The following SIPA1L2 variants were observed in gnomAD, a reference collection of about 807,000 sequenced individuals.
SIPA1L2 encodes the protein signal-induced proliferation-associated 1-like protein 2.
Under a neutral mutation model 163.9 loss-of-function variants are expected in SIPA1L2, and 56 were observed. That is an observed-to-expected ratio of 0.34 (90% confidence interval 0.28 to 0.43). The LOEUF (loss-of-function observed/expected upper bound fraction) is 0.43, where lower values mean the gene tolerates loss of function less well. Ranked by LOEUF, SIPA1L2 falls within the 20% of genes least tolerant of loss-of-function variation. The pLI, the probability that SIPA1L2 is intolerant of heterozygous loss-of-function variation, is 1.00. For synonymous variants in SIPA1L2, 877 were observed against 865.7 expected, an observed-to-expected ratio of 1.01 and a Z score of -0.23; for missense variants, 1,974 against 2,193.5, an observed-to-expected ratio of 0.90 and a Z score of 2.00.
rs1667182207 is a variant in SIPA1L2, at chr1:232,515,519, C to T, written c.-180G>A. 1.6e-6 allele frequency: 1 copy of T among 610,108 alleles called. No individual in the cohort carries two copies. The allele number at this position is 610,108 out of a possible 1,614,324, so 37.8% of individuals were successfully genotyped here. ...ATACAGTTTCTTCAAAGCCAACTTG[C>T]TTCTCTGTTGTCGTAATAATGTTGT... On this transcript the variant is annotated 5_prime_UTR_variant, in exon 3 of 23. Coordinates refer to ENST00000674635, the MANE Select transcript of SIPA1L2 (RefSeq NM_020808.5).
At chr1:232,597,916 C>T (rs994163834) in intron 1 of SIPA1L2, among the ~76,000 whole-genome samples, 2 of 152,102 alleles carry the variant, frequency 1.3e-5, no homozygotes, top group African/African-American at 4.8e-5. Flanking sequence ...AAATACACAC[C>T]TCACTTTTAA....
chr1:232,584,622 C>T (rs1351431046), intron 1 of SIPA1L2, among the ~76,000 whole-genome samples: 1 of 152,196 alleles, frequency 6.6e-6, no homozygotes, highest in Non-Finnish European at 1.5e-5. Context: ...TATGCCTTTC[C>T]TCTCATTAAT....
At position 232,402,384 on chromosome 1, in the gene SIPA1L2, T is replaced by C. The variant is rs1393029873; in HGVS notation, c.5022+8A>G. 3 of 1,611,662 alleles carry C rather than the reference T, an allele frequency of 1.9e-6. No homozygotes were observed. The highest frequency in any genetic ancestry group is 1.3e-5 in the African/African-American group (1 of 74,828). ...AACAGTTCTGATTATGCTCTTCCAA[T>C]TGATTACCTTCCGAAGGTCGGTCTG... On this transcript the variant is annotated splice_region_variant and intron_variant, in intron 22 of 22. Coordinates refer to ENST00000674635, the MANE Select transcript of SIPA1L2 (RefSeq NM_020808.5).
chr1:232,599,608 T>C (rs1472875351), intron 1 of SIPA1L2, among the ~76,000 whole-genome samples: 1 of 152,222 alleles, frequency 6.6e-6, no homozygotes, highest in Admixed American at 6.5e-5. Flanking sequence ...CTCGAAGTTC[T>C]GGTGAGTTTT....
chr1:232,526,451 AT>A (rs1293407829), intron 2 of SIPA1L2, among the ~76,000 whole-genome samples: 1 of 152,210 alleles, frequency 6.6e-6, no homozygotes, highest in Non-Finnish European at 1.5e-5. Context: ...ACTTCAGATC[AT>A]GAGACATTAG....
At chr1:232,424,738 T>C (rs1661785862) in intron 18 of SIPA1L2, among the ~76,000 whole-genome samples, 1 of 152,206 alleles carries the variant, frequency 6.6e-6, no homozygotes, top group Non-Finnish European at 1.5e-5. Flanking sequence ...ACATTGGAAA[T>C]ATTATTAGAA....
chr1:232,529,642 T>TC (rs770654295), intron 2 of SIPA1L2, among the ~76,000 whole-genome samples: 32 of 152,318 alleles, frequency 2.1e-4, no homozygotes, highest in Non-Finnish European at 4.0e-4. Flanking sequence ...GTGCACCTTC[T>TC]CATCCATATT....
intron 10 of SIPA1L2, among the ~76,000 whole-genome samples, chr1:232,447,525 C>T (rs951794373): frequency 2.6e-5 from 4 of 152,216 alleles, no homozygotes; most frequent in Non-Finnish European, 4.4e-5. Flanking sequence ...ACAGATGCCC[C>T]GACAGAGAAT....
Position 232,563,955 on chromosome 1 carries a change from T to TTTGTGTGTGTGTGTG in SIPA1L2, c.-270+10218_-270+10219insCACACACACACACAA, listed in dbSNP as rs1558270699. On this transcript the variant is annotated intron_variant, in intron 2 of 22. Coordinates refer to ENST00000674635, the MANE Select transcript of SIPA1L2 (RefSeq NM_020808.5). The stretch of plus-strand genomic sequence containing the variant: ...AACGACAAAGGTTTGTTTTTTTTTT[T>TTTGTGTGTGTGTGTG]CGTGTGTGTGTGTGTGTGTGTGTGT... Among the ~76,000 whole-genome samples the TTTGTGTGTGTGTGTG allele has an allele frequency of 1.1e-4, 13 of 116,770 alleles. 1 individual carries two copies. Among genetic ancestry groups the TTTGTGTGTGTGTGTG allele is most frequent in the African/African-American group, 5.2e-4 (13 of 25,172 alleles). 76.6% of individuals were successfully genotyped at this position (116,770 alleles called of 152,430 possible). A position where few individuals can be genotyped will look rare whatever the true frequency, so the allele number is the denominator to read the frequency against.
intron 20 of SIPA1L2, 76 bp from the exon 21 acceptor site, chr1:232,403,647 A>G (rs1660478175): frequency 1.3e-6 from 2 of 1,502,188 alleles, no homozygotes; most frequent in Non-Finnish European, 1.8e-6. Context: ...TGGAAATGCA[A>G]TAGCTAAATA....
intron 15 of SIPA1L2, among the ~76,000 whole-genome samples, chr1:232,433,851 C>G (rs2102838684): frequency 6.6e-6 from 1 of 152,278 alleles, no homozygotes; most frequent in South Asian, 2.1e-4. Flanking sequence ...GATTCCGGGT[C>G]TCAACATCAG....
intron 1 of SIPA1L2, among the ~76,000 whole-genome samples, chr1:232,603,358 G>A (rs1342472705): frequency 2.0e-5 from 3 of 150,560 alleles, no homozygotes; most frequent in Admixed American, 6.6e-5. Context: ...AGGTGTGATC[G>A]ATCATGCAAA....
intron 3 of SIPA1L2, among the ~76,000 whole-genome samples, chr1:232,511,413 T>C (rs1200252989): frequency 6.6e-6 from 1 of 152,252 alleles, no homozygotes; most frequent in Non-Finnish European, 1.5e-5. Flanking sequence ...AGTGTAAATA[T>C]CTGTTTATTT....
chr1:232,516,030 A>G (rs1042539212), intron 2 of SIPA1L2, among the ~76,000 whole-genome samples: 1 of 152,256 alleles, frequency 6.6e-6, no homozygotes, highest in African/African-American at 2.4e-5. Context: ...CCTGGCTTAA[A>G]CTAGGGATTC....
At position 232,513,926 on chromosome 1, in the gene SIPA1L2, C is replaced by T. The variant is rs776287842; in HGVS notation, c.1414G>A (p.Val472Met). The T allele has an allele frequency of 1.9e-6, 3 of 1,613,906 alleles. No homozygotes were observed. The Admixed American group carries it at 5.0e-5, about 27-fold the overall frequency. The stretch of plus-strand genomic sequence containing the variant: ...ATGTGTTCTATGATGTAGCGCTTCA[C>T]TTTCTCCCTGTGAATAGGCTGGTTT... The part of the protein sequence containing the change: ...RENQPIHREK[V>M]KRYIIEHIDL... The change falls in exon 3 of 23, where the codon GTG becomes ATG. Residue 472 changes from valine (V) to methionine (M), a missense_variant. Val to Met is a conservative substitution (Grantham distance 21, BLOSUM62 1). Coordinates refer to ENST00000674635, the MANE Select transcript of SIPA1L2 (RefSeq NM_020808.5).
At chr1:232,608,047 CAAAAAAAA>C (rs56208215) in intron 1 of SIPA1L2, among the ~76,000 whole-genome samples, 1 of 67,496 alleles carries the variant, frequency 1.5e-5, no homozygotes, top group African/African-American at 6.8e-5. Context: ...AACTCCATCT[CAAAAAAAA>C]AAAAAAAAAA....
At chr1:232,579,433 A>G (rs1359707340) in intron 1 of SIPA1L2, among the ~76,000 whole-genome samples, 1 of 152,212 alleles carries the variant, frequency 6.6e-6, no homozygotes, top group African/African-American at 2.4e-5. Flanking sequence ...CCACATATCC[A>G]GGACTAAGCA....
chr1:232,469,456 A>G (rs1664691264), intron 8 of SIPA1L2, among the ~76,000 whole-genome samples: 1 of 152,220 alleles, frequency 6.6e-6, no homozygotes, highest in Non-Finnish European at 1.5e-5. Context: ...ATAAAATGTT[A>G]TGGAATTCAT....
intron 6 of SIPA1L2, among the ~76,000 whole-genome samples, chr1:232,480,154 CGT>C (rs536840154): frequency 0.038 from 4,996 of 132,618 alleles, 114 homozygotes; most frequent in Admixed American, 0.062. Context: ...TGTGTGTGTG[CGT>C]GTGTGTGTGT....
Sources: allele counts gnomAD v4.1 joint callset (sites outside exome capture counted in the v4.1 genomes callset), GRCh38; gene constraint gnomAD v4.1.1; transcripts MANE v1.5; gene names NCBI Gene and HGNC (gene_info 2026-07-23, HGNC 2026-07-21).